Variants in ENPEP observed in about 807,000 individuals in gnomAD.
ENPEP encodes the protein AP-A.
Under a neutral mutation model 114.5 loss-of-function variants are expected in ENPEP, and 103 were observed. The observed-to-expected ratio is 0.90, with a 90% CI of 0.77 to 1.06. The LOEUF (loss-of-function observed/expected upper bound fraction) is 1.06, where lower values mean the gene tolerates loss of function less well. Among genes scored for constraint, ENPEP ranks in the 50% least tolerant of loss-of-function variants. The pLI, the probability that ENPEP is intolerant of heterozygous loss-of-function variation, is 0.00. For missense variants in ENPEP, 1,196 were observed against 1,161.3 expected, an observed-to-expected ratio of 1.03 and a Z score of -0.43; for synonymous variants, 420 against 422.0, an observed-to-expected ratio of 1.00 and a Z score of 0.06.
chr4:110,509,951 C>T (rs1302266542), intron 5 of ENPEP, 144 bp downstream of exon 5: 5 of 1,180,786 alleles, frequency 4.2e-6, no homozygotes, highest in Non-Finnish European at 4.6e-6. Flanking sequence ...TACTAATAAA[C>T]ATTTAGCCAT....
chr4:110,510,485 G>A, intron 6 of ENPEP, 127 bp downstream of exon 6: 1 of 780,102 alleles, frequency 1.3e-6, no homozygotes, highest in Non-Finnish European at 2.1e-6. Context: ...ATTCCACTGT[G>A]AGGATAGGGT....
At chr4:110,490,384 A>G (rs1271242759) in intron 2 of ENPEP, among the ~76,000 whole-genome samples, 3 of 152,114 alleles carry the variant, frequency 2.0e-5, no homozygotes, top group Admixed American at 1.3e-4. Context: ...GCTGCAGGAG[A>G]TGTGGAAATG....
intron 8 of ENPEP, chr4:110,515,973 CA>C: frequency 3.3e-6 from 1 of 305,620 alleles, no homozygotes; most frequent in Non-Finnish European, 6.6e-6. Flanking sequence ...CTCACGATAT[CA>C]TCTAAATGTG....
intron 1 of ENPEP, among the ~76,000 whole-genome samples, chr4:110,481,622 C>T (rs765362109): frequency 5.3e-5 from 8 of 152,332 alleles, no homozygotes; most frequent in African/African-American, 1.9e-4. Flanking sequence ...CTCCCATAAA[C>T]GAGCCTAACT....
At chr4:110,554,358 A>G (rs778842667) in intron 18 of ENPEP, among the ~76,000 whole-genome samples, 51 of 152,004 alleles carry the variant, frequency 3.4e-4, no homozygotes, top group Non-Finnish European at 2.5e-4. Context: ...ACAGCTCACC[A>G]GAGTGCTATT....
In ENPEP at chr4:110,488,438, G is replaced by T. The variant is rs530375098; in HGVS notation, c.645-103G>T. 5.8e-5 allele frequency: 79 copies of T among 1,360,100 alleles called. 1 individual carries two copies. In the Admixed American group the frequency reaches 1.2e-3, roughly 21 times the overall value. 84.3% of individuals were successfully genotyped at this position (1,360,100 alleles called of 1,614,324 possible). A position where few individuals can be genotyped will look rare whatever the true frequency, so the allele number is the denominator to read the frequency against. On this transcript the variant is annotated intron_variant, in intron 1 of 19. Coordinates refer to ENST00000265162, the MANE Select transcript of ENPEP (RefSeq NM_001977.4). ...GAACCTCATTTTTAGAAATGTAATA[G>T]TTATAATTGCATAGCTGATTTTTTT... is the stretch of plus-strand genomic sequence containing the variant.
chr4:110,529,883 G>T (rs1368422287), intron 10 of ENPEP, among the ~76,000 whole-genome samples: 1 of 151,570 alleles, frequency 6.6e-6, no homozygotes, highest in African/African-American at 2.4e-5. Context: ...AGACCAACCT[G>T]GCCAACATAG....
At chr4:110,498,678 G>T (rs1436840914) in intron 3 of ENPEP, among the ~76,000 whole-genome samples, 2 of 152,134 alleles carry the variant, frequency 1.3e-5, no homozygotes, top group East Asian at 3.9e-4. Context: ...AATCATGCAG[G>T]GCCCTGCCTG....
rs1441161404 is a variant in ENPEP at position 110,476,442 on chromosome 4, A to G, written c.28A>G (p.Lys10Glu). 3 of 1,538,336 alleles carry G rather than the reference A, an allele frequency of 2.0e-6. No homozygotes were observed. Among genetic ancestry groups the G allele is most frequent in the South Asian group, 1.3e-5 (1 of 79,050 alleles). ...GAACTTTGCGGAGAGAGAGGGCTCT[A>G]AGAGATACTGCATTCAAACGAAACA... MNFAEREGS[K>E]RYCIQTKHVA... Residue 10 changes from lysine to glutamate, a missense_variant, in exon 1 of 20, where the codon AAG becomes GAG. Transcript: ENST00000265162.
intron 1 of ENPEP, among the ~76,000 whole-genome samples, chr4:110,484,223 G>A (rs574484417): frequency 3.9e-5 from 6 of 152,076 alleles, no homozygotes; most frequent in African/African-American, 4.8e-5. Context: ...TGTAATCTAC[G>A]CCTTCTCACT....
intron 1 of ENPEP, among the ~76,000 whole-genome samples, chr4:110,480,433 C>G (rs1488051356): frequency 6.6e-6 from 1 of 152,146 alleles, no homozygotes; most frequent in Non-Finnish European, 1.5e-5. Context: ...CAGTGCCTTT[C>G]TTTCATACTA....
chr4:110,509,896 A>C, intron 5 of ENPEP, 89 bp downstream of exon 5: 1 of 1,461,616 alleles, frequency 6.8e-7, no homozygotes, highest in Non-Finnish European at 9.1e-7. Flanking sequence ...CTTAGCAAAT[A>C]AAAAATAGCC....
At chr4:110,482,735 G>A (rs1335222463) in intron 1 of ENPEP, among the ~76,000 whole-genome samples, 3 of 152,196 alleles carry the variant, frequency 2.0e-5, no homozygotes, top group East Asian at 1.9e-4. Context: ...TAGGTTGGGC[G>A]AGGTGGCTCA....
At chr4:110,502,285 A>G (rs1725192540) in intron 3 of ENPEP, among the ~76,000 whole-genome samples, 1 of 152,104 alleles carries the variant, frequency 6.6e-6, no homozygotes, top group Non-Finnish European at 1.5e-5. Context: ...TCTTTAGTTT[A>G]AGTCCATTTG....
chr4:110,542,098 C>A (rs374382143), intron 11 of ENPEP, among the ~76,000 whole-genome samples: 4 of 152,040 alleles, frequency 2.6e-5, no homozygotes, highest in African/African-American at 4.8e-5. Flanking sequence ...AGGAAGTAGA[C>A]GGCTTTACAA....
chr4:110,481,257 C>CT (rs202184440), intron 1 of ENPEP, among the ~76,000 whole-genome samples: 2,811 of 144,282 alleles, frequency 0.019, 32 homozygotes, highest in African/African-American at 0.036. Flanking sequence ...TTTTCAGAGA[C>CT]TTTTTTTTTT....
chr4:110,489,652 T>A (rs1217786971), intron 2 of ENPEP, among the ~76,000 whole-genome samples: 1 of 152,192 alleles, frequency 6.6e-6, no homozygotes, highest in East Asian at 1.9e-4. Flanking sequence ...TTTGTTAACA[T>A]AAAACACTTC....
intron 11 of ENPEP, among the ~76,000 whole-genome samples, chr4:110,538,004 AG>A (rs1434455347): frequency 6.6e-6 from 1 of 152,226 alleles, no homozygotes; most frequent in African/African-American, 2.4e-5. Flanking sequence ...GCCGTCACCC[AG>A]GCTTTGTTGT....
At chr4:110,538,242 A>T (rs1317482638) in intron 11 of ENPEP, among the ~76,000 whole-genome samples, 1 of 152,214 alleles carries the variant, frequency 6.6e-6, no homozygotes, top group Admixed American at 6.5e-5. Context: ...TTTCATCTAC[A>T]CTGAAAATGT....
Sources: allele counts gnomAD v4.1 joint callset (sites outside exome capture counted in the v4.1 genomes callset), GRCh38; gene constraint gnomAD v4.1.1; transcripts MANE v1.5; gene names NCBI Gene and HGNC (gene_info 2026-07-23, HGNC 2026-07-21).